Variants in ERMARD observed in about 807,000 individuals in gnomAD.
ERMARD encodes the protein endoplasmic reticulum membrane-associated RNA degradation protein.
A neutral mutation model predicts 83.9 loss-of-function variants in ERMARD; 71 were observed. The ratio of observed to expected loss-of-function variants is 0.85; its 90% CI spans 0.70 to 1.03. The LOEUF (loss-of-function observed/expected upper bound fraction) is 1.03. ERMARD is among the 50% of genes least tolerant of loss of function. ERMARD has a pLI of 0.00. For synonymous variants in ERMARD, 284 were observed against 298.6 expected (o/e 0.95, Z 0.50); for missense variants, 838 against 810.9 (o/e 1.03, Z -0.41).
chr6:169,756,537 A>G (rs1274975037), intron 4 of ERMARD, 98 bp downstream of exon 4: 8 of 1,032,100 alleles, frequency 7.8e-6, no homozygotes, highest in East Asian at 2.5e-5. Context: ...TTATTTTCCT[A>G]TAAGATAAAA....
rs772359858 is a variant in ERMARD at position 169,762,540 on chromosome 6, G to GTTTTTATTATTGATTGTGATC, written c.960+10_960+30dup. On this transcript the variant is annotated intron_variant, in intron 9 of 17. Coordinates refer to ENST00000366773, the MANE Select transcript of ERMARD (RefSeq NM_018341.3). ...GACTCCTGACTGCTGAGGTAAGCTT[G>GTTTTTATTATTGATTGTGATC]TTTTTATTATTGATTGTGATCATTG... 8.1e-6 allele frequency: 13 copies of GTTTTTATTATTGATTGTGATC among 1,605,066 alleles called. No homozygotes were observed. In the Admixed American group the frequency reaches 1.2e-4, roughly 15 times the overall value.
chr6:169,754,981 T>G (rs979781137), intron 2 of ERMARD, among the ~76,000 whole-genome samples: 2 of 152,208 alleles, frequency 1.3e-5, no homozygotes, highest in Non-Finnish European at 2.9e-5. Flanking sequence ...ATATACAATG[T>G]GAGCCTGGTT....
Position 169,775,392 on chromosome 6 carries a change from C to T in ERMARD, c.1394+46C>T, listed in dbSNP as rs142872101. 1,054 of 1,586,104 alleles carry T rather than the reference C, an allele frequency of 6.6e-4. 3 individuals carry two copies. The African/African-American group carries it at 9.1e-3, about 14-fold the overall frequency. On this transcript the variant is annotated intron_variant, in intron 14 of 17. Transcript: ENST00000366773. ...TGGCTGACCTCAAGCTTGTCTGGTA[C>T]TATTAGTTTCAGCAGCATTTCTTCT...
At chr6:169,754,557 G>C (rs535620209) in intron 2 of ERMARD, among the ~76,000 whole-genome samples, 9 of 152,102 alleles carry the variant, frequency 5.9e-5, no homozygotes, top group Non-Finnish European at 1.0e-4. Context: ...GTTATTCCTT[G>C]CAGCATTGTT....
intron 11 of ERMARD, among the ~76,000 whole-genome samples, chr6:169,768,993 T>G (rs1792561650): frequency 6.6e-6 from 1 of 152,216 alleles, no homozygotes; most frequent in African/African-American, 2.4e-5. Context: ...TGGACATCCA[T>G]TTTTACCATC....
intron 5 of ERMARD, among the ~76,000 whole-genome samples, chr6:169,758,102 C>A (rs1791043211): frequency 1.3e-5 from 2 of 152,216 alleles, no homozygotes; most frequent in Non-Finnish European, 2.9e-5. Context: ...AGTAGAACTG[C>A]TCTTGATCAT....
chr6:169,751,766 T>C, intron 1 of ERMARD, 103 bp downstream of exon 1: 1 of 1,405,522 alleles, frequency 7.1e-7, no homozygotes, highest in Non-Finnish European at 9.3e-7. Flanking sequence ...AGCACGCGCC[T>C]GCGGTGGCCG....
chr6:169,755,581 T>G (rs1585344096), intron 3 of ERMARD, 159 bp downstream of exon 3: 3 of 801,644 alleles, frequency 3.7e-6, no homozygotes. Context: ...ATGCAGGGTC[T>G]CCAAAGCCTG....
Position 169,775,359 on chromosome 6 carries a change from C to T in ERMARD, c.1394+13C>T, listed in dbSNP as rs558734430. On this transcript the variant is annotated intron_variant, in intron 14 of 17. Coordinates refer to ENST00000366773, the MANE Select transcript of ERMARD (RefSeq NM_018341.3). ...GGCAAGCCGTCAGGTGCGTGGCATC[C>T]TGGGGCCTGGCTGACCTCAAGCTTG... 6.2e-7 allele frequency: 1 copy of T among 1,613,900 alleles called. No homozygotes were observed. Among genetic ancestry groups the T allele is most frequent in the South Asian group, 1.1e-5 (1 of 91,032 alleles).
At chr6:169,766,970 T>A (rs1792287535) in intron 10 of ERMARD, 1 of 291,616 alleles carries the variant, frequency 3.4e-6, no homozygotes, top group Admixed American at 5.1e-5. Context: ...ACATCTTTTT[T>A]GTACAGGAAA....
At position 169,766,685 on chromosome 6, in the gene ERMARD, T is replaced by C; in HGVS notation, c.990+18T>C. On this transcript the variant is annotated intron_variant, in intron 10 of 17. Transcript: ENST00000366773. ...TTGATCAAGTAAGTAAGTAAACTTGTAAGGTAACTTGAAACAAACAGAACG... is the reference window on the plus strand; with the variant it reads ...TTGATCAAGTAAGTAAGTAAACTTGCAAGGTAACTTGAAACAAACAGAACG... 1 of 1,563,862 alleles carries C rather than the reference T, an allele frequency of 6.4e-7. No homozygotes were observed. The highest frequency in any genetic ancestry group is 8.6e-7 in the Non-Finnish European group (1 of 1,164,764).
At chr6:169,774,827 G>A (rs1231729374) in intron 13 of ERMARD, among the ~76,000 whole-genome samples, 1 of 145,664 alleles carries the variant, frequency 6.9e-6, no homozygotes, top group Non-Finnish European at 1.5e-5. Flanking sequence ...GGGGCTTCAT[G>A]GGGGTCCTGC....
At chr6:169,780,923 C>T (rs1454583520) in intron 17 of ERMARD, among the ~76,000 whole-genome samples, 2 of 152,114 alleles carry the variant, frequency 1.3e-5, no homozygotes, top group Non-Finnish European at 2.9e-5. Flanking sequence ...ATTTTTCACG[C>T]TTGACTTGAG....
At chr6:169,762,820 G>A (rs112200671) in intron 9 of ERMARD, among the ~76,000 whole-genome samples, 1,667 of 152,292 alleles carry the variant, frequency 0.011, 23 homozygotes, top group African/African-American at 0.038. Flanking sequence ...CACTGTAACC[G>A]CGTGAGATGG....
intron 16 of ERMARD, among the ~76,000 whole-genome samples, chr6:169,777,160 T>C (rs1258327225): frequency 1.3e-5 from 2 of 152,198 alleles, no homozygotes; most frequent in Non-Finnish European, 2.9e-5. Context: ...GAATAGTCAC[T>C]TAGACCTTAG....
At chr6:169,752,288 T>G (rs1479175916) in intron 1 of ERMARD, among the ~76,000 whole-genome samples, 2 of 152,200 alleles carry the variant, frequency 1.3e-5, no homozygotes, top group Non-Finnish European at 2.9e-5. Context: ...TGTTATCTGA[T>G]TACTGTAGCC....
chr6:169,756,463 A>T, intron 4 of ERMARD, 24 bp downstream of exon 4: 2 of 1,480,492 alleles, frequency 1.4e-6, no homozygotes, highest in Non-Finnish European at 1.9e-6. Context: ...CTCTTTCATT[A>T]TTGGCCCATT....
chr6:169,779,280 A>G lies in ERMARD; in HGVS notation c.1838A>G (p.Tyr613Cys). The change falls in exon 17 of 18, where the codon TAT (tyrosine) becomes TGT (cysteine). Residue 613 changes from tyrosine (Y) to cysteine (C), a missense_variant. Coordinates refer to ENST00000366773, the MANE Select transcript of ERMARD (RefSeq NM_018341.3). ...HAVCGKNAHE[Y>C]QQYLKFVKSI... is the part of the protein sequence containing the mutation. ...GTTTGTGGGAAGAATGCGCATGAGT[A>G]TCAGCAGTACCTAAAGTAAGTGTGT... The G allele has an allele frequency of 7.4e-6, 12 of 1,614,138 alleles. No individual in the cohort carries two copies. The highest frequency in any genetic ancestry group is 1.0e-5 in the Non-Finnish European group (12 of 1,179,956).
chr6:169,752,363 T>C (rs767698619), intron 1 of ERMARD, among the ~76,000 whole-genome samples: 72 of 152,308 alleles, frequency 4.7e-4, no homozygotes, highest in Non-Finnish European at 8.7e-4. Flanking sequence ...AAGTAACTTT[T>C]CCAAGGCAAG....
Sources: allele counts gnomAD v4.1 joint callset (sites outside exome capture counted in the v4.1 genomes callset), GRCh38; gene constraint gnomAD v4.1.1; transcripts MANE v1.5; gene names NCBI Gene and HGNC (gene_info 2026-07-23, HGNC 2026-07-21).